The following MAPKAP1 variants were observed in gnomAD, a reference collection of about 807,000 sequenced individuals.
MAPKAP1 encodes target of rapamycin complex 2 subunit MAPKAP1.
A neutral mutation model predicts 65.7 loss-of-function variants in MAPKAP1; 20 were observed. The observed-to-expected ratio is 0.30, with a 90% CI of 0.21 to 0.44. The LOEUF is 0.44. Ranked by LOEUF, MAPKAP1 falls within the 20% of genes least tolerant of loss-of-function variation. The probability of loss-of-function intolerance (pLI) is 1.00; values close to 1 mark genes in which losing one functional copy is unlikely to be tolerated. For missense variants in MAPKAP1, 423 were observed against 648.0 expected (o/e 0.65, Z 3.77); for synonymous variants, 222 against 244.3 (o/e 0.91, Z 0.85).
rs1484429072 is a variant in MAPKAP1 at position 125,703,496 on chromosome 9, G to T, written c.-70+3475C>A. 2.6e-5 allele frequency among the ~76,000 whole-genome samples: 4 copies of T among 152,146 alleles called. No homozygotes were observed. In the South Asian group the frequency reaches 8.3e-4, roughly 31 times the overall value. On this transcript the variant is annotated intron_variant, in intron 1 of 11. Coordinates refer to ENST00000265960, the MANE Select transcript of MAPKAP1 (RefSeq NM_001006617.3). ...TAGGGAAAAAACGTAATGTGGCCAC[G>T]AATGGTGGCTCACGCCTGTAATCCC... is the stretch of plus-strand genomic sequence containing the variant.
intron 4 of MAPKAP1, among the ~76,000 whole-genome samples, chr9:125,626,613 G>A (rs1285055657): frequency 8.5e-5 from 13 of 152,182 alleles, no homozygotes; most frequent in African/African-American, 1.9e-4. Context: ...ACTGATCAGC[G>A]CAGACACAGA....
At chr9:125,616,705 C>T (rs191133165) in intron 4 of MAPKAP1, among the ~76,000 whole-genome samples, 3 of 152,224 alleles carry the variant, frequency 2.0e-5, no homozygotes, top group Non-Finnish European at 4.4e-5. Context: ...GAGCACAACA[C>T]TGACGCACTG....
At chr9:125,699,013 T>C (rs1835517481) in intron 1 of MAPKAP1, among the ~76,000 whole-genome samples, 1 of 152,198 alleles carries the variant, frequency 6.6e-6, no homozygotes, top group Admixed American at 6.5e-5. Context: ...ATGCCCTGAA[T>C]GCCATTAGAG....
At chr9:125,568,286 A>C (rs185835763) in intron 5 of MAPKAP1, among the ~76,000 whole-genome samples, 2 of 152,092 alleles carry the variant, frequency 1.3e-5, no homozygotes, top group East Asian at 3.9e-4. Context: ...TCCGCCTTGC[A>C]CTCTTTGCTG....
intron 4 of MAPKAP1, among the ~76,000 whole-genome samples, chr9:125,629,403 G>T (rs753519481): frequency 6.6e-6 from 1 of 152,136 alleles, no homozygotes; most frequent in Non-Finnish European, 1.5e-5. Context: ...TATATACAAT[G>T]GAACATTATT....
chr9:125,509,222 A>G (rs1272487169), intron 7 of MAPKAP1, among the ~76,000 whole-genome samples: 3 of 152,188 alleles, frequency 2.0e-5, no homozygotes, highest in Non-Finnish European at 2.9e-5. Flanking sequence ...ATGTAACAAA[A>G]TATCACGTGT....
chr9:125,507,371 G>A (rs1440634600), intron 7 of MAPKAP1, among the ~76,000 whole-genome samples: 1 of 152,230 alleles, frequency 6.6e-6, no homozygotes, highest in Non-Finnish European at 1.5e-5. Context: ...TGAAAGGCGT[G>A]TTTGGTCAGA....
chr9:125,622,677 C>T (rs1832942302), intron 4 of MAPKAP1, among the ~76,000 whole-genome samples: 1 of 152,160 alleles, frequency 6.6e-6, no homozygotes, highest in Admixed American at 6.5e-5. Flanking sequence ...ATCTCCTAAC[C>T]TCGTGATCTG....
At chr9:125,519,606 AT>A (rs1461970508) in intron 7 of MAPKAP1, among the ~76,000 whole-genome samples, 1 of 150,730 alleles carries the variant, frequency 6.6e-6, no homozygotes, top group Non-Finnish European at 1.5e-5. Context: ...TCCATCCTGG[AT>A]GACAAAGCAA....
intron 3 of MAPKAP1, among the ~76,000 whole-genome samples, chr9:125,665,868 T>C (rs774629388): frequency 1.1e-4 from 16 of 152,226 alleles, no homozygotes; most frequent in Non-Finnish European, 2.1e-4. Flanking sequence ...ATAAATAAGC[T>C]ACATTGTTGT....
chr9:125,651,293 T>C (rs546986662), intron 4 of MAPKAP1, among the ~76,000 whole-genome samples: 124 of 152,248 alleles, frequency 8.1e-4, no homozygotes, highest in African/African-American at 2.9e-3. Flanking sequence ...GCTAAAATCA[T>C]GTTGAGACTT....
At chr9:125,645,075 C>G (rs1833687199) in intron 4 of MAPKAP1, among the ~76,000 whole-genome samples, 1 of 152,018 alleles carries the variant, frequency 6.6e-6, no homozygotes, top group Non-Finnish European at 1.5e-5. Context: ...TCCTTTGTGT[C>G]TGCGCATAAA....
intron 1 of MAPKAP1, among the ~76,000 whole-genome samples, chr9:125,675,874 C>G (rs1457457029): frequency 6.6e-6 from 1 of 152,096 alleles, no homozygotes; most frequent in African/African-American, 2.4e-5. Flanking sequence ...TTTCGTAATA[C>G]AAGAGCATCT....
At chr9:125,452,914 A>G (rs956755293) in intron 10 of MAPKAP1, among the ~76,000 whole-genome samples, 12 of 152,180 alleles carry the variant, frequency 7.9e-5, no homozygotes, top group Non-Finnish European at 7.3e-5. Flanking sequence ...ACAAACAAAA[A>G]AAGAAAATAA....
intron 4 of MAPKAP1, among the ~76,000 whole-genome samples, chr9:125,601,236 C>T (rs956797705): frequency 2.0e-5 from 3 of 151,936 alleles, no homozygotes; most frequent in African/African-American, 7.3e-5. Context: ...CCAACTACCC[C>T]GAGGACAATT....
chr9:125,652,117 CT>C, intron 4 of MAPKAP1: 1 of 1,289,660 alleles, frequency 7.8e-7, no homozygotes, highest in South Asian at 1.3e-5. Context: ...ATTCGCTGAC[CT>C]TTTCTGAGTT....
intron 4 of MAPKAP1, among the ~76,000 whole-genome samples, chr9:125,591,007 CAAGTGAT>C (rs1481698393): frequency 1.3e-5 from 2 of 152,184 alleles, no homozygotes; most frequent in Non-Finnish European, 2.9e-5. Flanking sequence ...CTCCTGACCT[CAAGTGAT>C]CCGCCCACCT....
At chr9:125,641,924 C>T (rs1032984092) in intron 4 of MAPKAP1, among the ~76,000 whole-genome samples, 4 of 152,068 alleles carry the variant, frequency 2.6e-5, no homozygotes, top group African/African-American at 7.2e-5. Context: ...CCAAGCTACT[C>T]GGGAGGCTGA....
At chr9:125,446,225 G>A (rs995109826) in intron 10 of MAPKAP1, among the ~76,000 whole-genome samples, 5 of 152,072 alleles carry the variant, frequency 3.3e-5, no homozygotes, top group South Asian at 2.1e-4. Context: ...CAGAAAAGTT[G>A]AGCCACTGGT....
Sources: gnomAD v4.1 joint callset for allele counts (sites outside exome capture counted in the v4.1 genomes callset) on GRCh38, gnomAD v4.1.1 for gene constraint, MANE v1.5 for transcripts, NCBI Gene and HGNC (gene_info 2026-07-23, HGNC 2026-07-21) for gene names.